The following RAB39A variants were observed in gnomAD, a reference collection of about 807,000 sequenced individuals.
RAB39A encodes ras-related protein Rab-39A.
RAB39A carries 17 observed loss-of-function variants against 20.9 expected under a neutral mutation model. The observed-to-expected ratio is 0.81, with a 90% CI of 0.56 to 1.22. RAB39A has a LOEUF of 1.22. Ranked by LOEUF, RAB39A falls within the 50% of genes most tolerant of loss-of-function variation. The pLI is 0.00. For synonymous variants in RAB39A, 99 were observed against 103.4 expected, an observed-to-expected ratio of 0.96 and a Z score of 0.26; for missense variants, 234 against 270.5, an observed-to-expected ratio of 0.87 and a Z score of 0.95.
chr11:107,936,501 A>C (rs529967708), intron 1 of RAB39A, among the ~76,000 whole-genome samples: 90 of 152,290 alleles, frequency 5.9e-4, no homozygotes, highest in Non-Finnish European at 1.6e-4. Context: ...TAATGTTTCA[A>C]AGTGATTTAA....
At chr11:107,943,982 C>T (rs769519029) in intron 1 of RAB39A, among the ~76,000 whole-genome samples, 1 of 151,928 alleles carries the variant, frequency 6.6e-6, no homozygotes, top group Non-Finnish European at 1.5e-5. Flanking sequence ...GTAGTCCCAG[C>T]TACTTGGGAT....
At chr11:107,934,812 C>T (rs1861176812) in intron 1 of RAB39A, among the ~76,000 whole-genome samples, 1 of 151,906 alleles carries the variant, frequency 6.6e-6, no homozygotes. Flanking sequence ...GCCTGTAATC[C>T]CAGCTACTCA....
intron 1 of RAB39A, among the ~76,000 whole-genome samples, chr11:107,947,453 C>G (rs1220376160): frequency 6.6e-6 from 1 of 151,906 alleles, no homozygotes; most frequent in East Asian, 1.9e-4. Context: ...CCAACAAGTT[C>G]AATATGCAAA....
intron 1 of RAB39A, among the ~76,000 whole-genome samples, chr11:107,956,260 A>G (rs369582933): frequency 6.6e-6 from 1 of 152,234 alleles, no homozygotes; most frequent in East Asian, 1.9e-4. Context: ...TAAGTGGCTT[A>G]GACCAAATCA....
At chr11:107,957,680 C>G (rs763045769) in intron 1 of RAB39A, among the ~76,000 whole-genome samples, 11 of 152,182 alleles carry the variant, frequency 7.2e-5, no homozygotes, top group Admixed American at 2.0e-4. Flanking sequence ...TCACATCACC[C>G]TCACACTGTA....
At chr11:107,937,318 T>A (rs980969139) in intron 1 of RAB39A, among the ~76,000 whole-genome samples, 18 of 151,414 alleles carry the variant, frequency 1.2e-4, no homozygotes, top group East Asian at 1.9e-4. Context: ...AAAAAAAAAA[T>A]TTGTAGAGAC....
Position 107,933,903 on chromosome 11 carries a change from G to C in RAB39A, c.227+5108G>C, listed in dbSNP as rs901914246. Among the ~76,000 whole-genome samples, 3 of 151,684 alleles carry C rather than the reference G, an allele frequency of 2.0e-5. No individual in the cohort carries two copies. In the South Asian group the frequency reaches 6.2e-4, roughly 32 times the overall value. ...ACTCCTGACCTCAAGTGATCCACCC[G>C]CCTCAGCCTCCCAAAGTGCTGGGAT... On this transcript the variant is annotated intron_variant, in intron 1 of 1. Coordinates refer to ENST00000320578, the MANE Select transcript of RAB39A (RefSeq NM_017516.3).
intron 1 of RAB39A, among the ~76,000 whole-genome samples, chr11:107,936,198 C>T (rs1484663555): frequency 9.2e-5 from 14 of 152,264 alleles, no homozygotes; most frequent in African/African-American, 2.6e-4. Context: ...CTGCACCTGG[C>T]GTCATTTTCC....
chr11:107,945,644 A>T (rs1184883700), intron 1 of RAB39A, among the ~76,000 whole-genome samples: 1 of 152,192 alleles, frequency 6.6e-6, no homozygotes, highest in East Asian at 1.9e-4. Flanking sequence ...GTGACACCAG[A>T]TACTTCTGGA....
chr11:107,937,355 G>A (rs1425714333), intron 1 of RAB39A, among the ~76,000 whole-genome samples: 1 of 151,938 alleles, frequency 6.6e-6, no homozygotes, highest in Non-Finnish European at 1.5e-5. Context: ...GCCCAGGCTG[G>A]TTTTGAACTT....
Position 107,949,294 on chromosome 11 carries a change from A to G in RAB39A, c.228-12652A>G, listed in dbSNP as rs146023281. ...CACTGTACTCCAGCCTGGTGACAGA[A>G]CGAGACTCCATCTAAAAAAAAATAG... is the stretch of plus-strand genomic sequence containing the variant. On this transcript the variant is annotated intron_variant, in intron 1 of 1. Coordinates refer to ENST00000320578, the MANE Select transcript of RAB39A (RefSeq NM_017516.3). Among the ~76,000 whole-genome samples, 692 of 152,252 alleles carry G rather than the reference A, an allele frequency of 4.5e-3. 4 individuals are homozygous for G. The highest frequency in any genetic ancestry group is 0.016 in the African/African-American group (655 of 41,548).
intron 1 of RAB39A, among the ~76,000 whole-genome samples, chr11:107,946,436 G>GTGTATATATATATA (rs1315934948): frequency 3.3e-5 from 1 of 30,480 alleles, no homozygotes; most frequent in Non-Finnish European, 5.8e-5. Flanking sequence ...GTGTGTGTGT[G>GTGTATATATATATA]TATATATATA....
intron 1 of RAB39A, among the ~76,000 whole-genome samples, chr11:107,961,525 A>G (rs1861495420): frequency 6.6e-6 from 1 of 152,190 alleles, no homozygotes; most frequent in Non-Finnish European, 1.5e-5. Flanking sequence ...TCCTAAACTG[A>G]TAGAGAGAAG....
intron 1 of RAB39A, among the ~76,000 whole-genome samples, chr11:107,940,051 A>G (rs1238037275): frequency 6.6e-6 from 1 of 152,096 alleles, no homozygotes; most frequent in Admixed American, 6.6e-5. Context: ...TTGAAGAGGA[A>G]TTTCTTGGAA....
intron 1 of RAB39A, among the ~76,000 whole-genome samples, chr11:107,939,834 C>T (rs1421371855): frequency 6.6e-6 from 1 of 152,080 alleles, no homozygotes; most frequent in African/African-American, 2.4e-5. Flanking sequence ...TATTCTGACT[C>T]ACTGGCTTCA....
intron 1 of RAB39A, among the ~76,000 whole-genome samples, chr11:107,944,606 C>T (rs1426580084): frequency 6.6e-6 from 1 of 151,922 alleles, no homozygotes. Context: ...AGGCTGGTCT[C>T]GAACTCCTGA....
Position 107,928,832 on chromosome 11 carries a change from C to T in RAB39A, c.227+37C>T, listed in dbSNP as rs1237730547. The T allele has an allele frequency of 2.1e-6, 3 of 1,457,544 alleles. No homozygotes were observed. Among genetic ancestry groups the T allele is most frequent in the Non-Finnish European group, 1.8e-6 (2 of 1,086,002 alleles). 90.3% of individuals were successfully genotyped at this position (1,457,544 alleles called of 1,614,324 possible). Reference sequence around the variant, plus strand: ...GGGGACCTTGGGCACCGCGCCGCCCCCTCAGCCCGCCCGGACGCCCCTTCC... The same window carrying T: ...GGGGACCTTGGGCACCGCGCCGCCCTCTCAGCCCGCCCGGACGCCCCTTCC... On this transcript the variant is annotated intron_variant, in intron 1 of 1. Transcript: ENST00000320578. This position sits in a 1 kb window ranked among gnomAD's most constrained non-coding sequence, Gnocchi z 4.9.
intron 1 of RAB39A, among the ~76,000 whole-genome samples, chr11:107,937,944 G>A (rs1474026265): frequency 6.6e-6 from 1 of 152,136 alleles, no homozygotes; most frequent in Non-Finnish European, 1.5e-5. Flanking sequence ...TAGGTATTAT[G>A]GGTCAGATAA....
rs58690713 is a variant in RAB39A at position 107,938,668 on chromosome 11, C to T, written c.227+9873C>T. 6.6e-3 allele frequency among the ~76,000 whole-genome samples: 963 copies of T among 145,438 alleles called. 11 individuals carry two copies. Among genetic ancestry groups the T allele is most frequent in the African/African-American group, 0.023 (916 of 39,236 alleles). ...AGACTATCACTTGAGTCCCAAAGGT[C>T]GAGGCTGCAGTGAGCCATGACTGTG... On this transcript the variant is annotated intron_variant, in intron 1 of 1. Transcript: ENST00000320578.
Sources: gnomAD v4.1 joint callset for allele counts (sites outside exome capture counted in the v4.1 genomes callset) on GRCh38, gnomAD v4.1.1 for gene constraint, Gnocchi (gnomAD v3.1) non-coding constraint, MANE v1.5 for transcripts, NCBI Gene and HGNC (gene_info 2026-07-23, HGNC 2026-07-21) for gene names.